Variants in SUGCT observed in about 807,000 individuals in gnomAD.
SUGCT encodes succinyl-CoA:glutarate CoA-transferase.
In SUGCT, 41 loss-of-function variants were observed where a neutral mutation model predicts 55.0. The ratio of observed to expected loss-of-function variants is 0.74; its 90% CI spans 0.58 to 0.97. The LOEUF is 0.97. SUGCT is among the 50% of genes least tolerant of loss of function. The pLI is 0.00. For missense variants in SUGCT, 568 were observed against 547.8 expected (o/e 1.04, Z -0.37); for synonymous variants, 187 against 200.4 (o/e 0.93, Z 0.56).
intron 13 of SUGCT, among the ~76,000 whole-genome samples, chr7:40,821,940 TC>T: frequency 6.6e-6 from 1 of 152,322 alleles, no homozygotes; most frequent in South Asian, 2.1e-4. Flanking sequence ...TTTAAATGTG[TC>T]CCAGAGATTC....
intron 9 of SUGCT, among the ~76,000 whole-genome samples, chr7:40,398,199 C>T (rs1785848272): frequency 6.6e-6 from 1 of 152,214 alleles, no homozygotes; most frequent in Non-Finnish European, 1.5e-5. Flanking sequence ...TCAAGCAATT[C>T]TCCTGCCTCA....
At chr7:40,772,543 T>TG (rs1789189180) in intron 13 of SUGCT, among the ~76,000 whole-genome samples, 28 of 150,276 alleles carry the variant, frequency 1.9e-4, no homozygotes, top group Non-Finnish European at 2.8e-4. Flanking sequence ...TCTATCTATC[T>TG]ATCTATCTAT....
chr7:40,949,562 T>C, the SUGCT span, among the ~76,000 whole-genome samples: 29 of 152,234 alleles, frequency 1.9e-4, no homozygotes, highest in African/African-American at 6.8e-4. Flanking sequence ...TTGCCTAGGT[T>C]TTCTTCTAGG....
intron 13 of SUGCT, chr7:40,782,607 A>G (rs926485103): frequency 3.3e-5 from 5 of 152,202 alleles, no homozygotes; most frequent in African/African-American, 1.2e-4. Context: ...ATTGTCTAGA[A>G]AAGTTTGAGG....
chr7:40,265,969 AC>A (rs1465391796), intron 7 of SUGCT, among the ~76,000 whole-genome samples: 1 of 151,748 alleles, frequency 6.6e-6, no homozygotes, highest in Admixed American at 6.6e-5. Context: ...CCACACACAC[AC>A]ACACACAAAC....
intron 9 of SUGCT, among the ~76,000 whole-genome samples, chr7:40,411,766 G>A (rs557783505): frequency 8.9e-4 from 136 of 152,198 alleles, no homozygotes; most frequent in Non-Finnish European, 1.6e-3. Context: ...AGCTAGACAG[G>A]ATTAATTTGA....
chr7:40,514,898 T>G (rs1793152002), intron 12 of SUGCT, among the ~76,000 whole-genome samples: 1 of 152,126 alleles, frequency 6.6e-6, no homozygotes, highest in Admixed American at 6.6e-5. Flanking sequence ...ATGGAAGTTA[T>G]TTTTAAAAAC....
intron 13 of SUGCT, among the ~76,000 whole-genome samples, chr7:40,821,143 A>T (rs879668304): frequency 7.2e-5 from 11 of 152,104 alleles, no homozygotes; most frequent in Admixed American, 7.2e-4. Context: ...AAGCTTTTTG[A>T]TGTGCTGCTG....
At chr7:40,546,211 T>C (rs906532606) in intron 12 of SUGCT, among the ~76,000 whole-genome samples, 11 of 152,210 alleles carry the variant, frequency 7.2e-5, no homozygotes, top group African/African-American at 2.7e-4. Flanking sequence ...CTCTTTGGAA[T>C]ACTGGAACCT....
the SUGCT span, among the ~76,000 whole-genome samples, chr7:41,000,871 G>A: frequency 6.6e-6 from 1 of 152,096 alleles, no homozygotes; most frequent in African/African-American, 2.4e-5. Flanking sequence ...AGTCATCAAG[G>A]GATAACTCTT....
chr7:40,808,349 G>A (rs189445650), intron 13 of SUGCT: 2 of 152,414 alleles, frequency 1.3e-5, no homozygotes, highest in East Asian at 1.9e-4. Flanking sequence ...ATAGCCTTCT[G>A]GAAAATGAAG....
the SUGCT span, among the ~76,000 whole-genome samples, chr7:40,880,981 A>C: frequency 6.6e-6 from 1 of 152,364 alleles, no homozygotes; most frequent in South Asian, 2.1e-4. Flanking sequence ...TATGAGGCCA[A>C]GTTGTACAAG....
At chr7:40,778,560 C>A (rs532654792) in intron 13 of SUGCT, among the ~76,000 whole-genome samples, 22 of 152,332 alleles carry the variant, frequency 1.4e-4, no homozygotes, top group Non-Finnish European at 5.9e-5. Flanking sequence ...GAATGCCCCA[C>A]GTCACCCAGT....
intron 6 of SUGCT, among the ~76,000 whole-genome samples, chr7:40,235,347 A>G (rs957454127): frequency 1.2e-4 from 18 of 151,992 alleles, no homozygotes; most frequent in African/African-American, 3.9e-4. Flanking sequence ...TTATTTTTTG[A>G]GACAGACTCT....
chr7:40,278,369 G>C (rs577984310), intron 8 of SUGCT, among the ~76,000 whole-genome samples: 209 of 152,236 alleles, frequency 1.4e-3, no homozygotes, highest in African/African-American at 4.7e-3. Context: ...TCAGTGTGGC[G>C]ATTCCTCAGG....
chr7:40,216,603 G>A (rs1293286765), intron 6 of SUGCT, among the ~76,000 whole-genome samples: 1 of 151,324 alleles, frequency 6.6e-6, no homozygotes, highest in Admixed American at 6.6e-5. Flanking sequence ...TGTAATCTCA[G>A]CACTTTCGGA....
chr7:40,439,598 G>A (rs7786221), intron 9 of SUGCT, among the ~76,000 whole-genome samples: 7 of 152,174 alleles, frequency 4.6e-5, no homozygotes, highest in South Asian at 2.1e-4. Flanking sequence ...AACTGGTCCC[G>A]GTGCTACGCC....
chr7:40,721,425 G>A (rs1163654317), intron 12 of SUGCT, among the ~76,000 whole-genome samples: 4 of 152,198 alleles, frequency 2.6e-5, no homozygotes, highest in Non-Finnish European at 4.4e-5. Flanking sequence ...AACAGTGGCG[G>A]CAGATAAGGA....
chr7:40,752,554 C>T (rs1788070294), intron 13 of SUGCT, among the ~76,000 whole-genome samples: 1 of 152,086 alleles, frequency 6.6e-6, no homozygotes, highest in Non-Finnish European at 1.5e-5. Flanking sequence ...CGGGATTTCA[C>T]CATGTTGGCC....
Sources: gnomAD v4.1 joint callset for allele counts (sites outside exome capture counted in the v4.1 genomes callset) on GRCh38, gnomAD v4.1.1 for gene constraint, MANE v1.5 for transcripts, NCBI Gene and HGNC (gene_info 2026-07-23, HGNC 2026-07-21) for gene names.